CADPS2: variants seen among roughly 807,000 people sequenced by gnomAD.
The protein encoded by CADPS2 is calcium-dependent secretion activator 2.
CADPS2 carries 93 observed loss-of-function variants against 172.5 expected under a neutral mutation model. The ratio of observed to expected loss-of-function variants is 0.54; its 90% CI spans 0.46 to 0.64. The LOEUF (loss-of-function observed/expected upper bound fraction) is 0.64, where lower values mean the gene tolerates loss of function less well. Ranked by LOEUF, CADPS2 falls within the 30% of genes least tolerant of loss-of-function variation. The pLI, the probability that CADPS2 is intolerant of heterozygous loss-of-function variation, is 0.00. For synonymous variants in CADPS2, 546 were observed against 555.2 expected (o/e 0.98, Z 0.23); for missense variants, 1,420 against 1,565.9 (o/e 0.91, Z 1.57).
chr7:122,355,459 T>C (rs938235477), intron 27 of CADPS2, among the ~76,000 whole-genome samples: 6 of 151,900 alleles, frequency 3.9e-5, no homozygotes, highest in Non-Finnish European at 7.4e-5. Context: ...CACATGCCTG[T>C]TTTCCCGGCT....
At chr7:122,760,493 G>A (rs967191687) in intron 1 of CADPS2, among the ~76,000 whole-genome samples, 3 of 152,020 alleles carry the variant, frequency 2.0e-5, no homozygotes, top group South Asian at 2.1e-4. Flanking sequence ...ACTATTAACT[G>A]AACTAGCGGA....
At chr7:122,801,065 A>C (rs922876725) in intron 1 of CADPS2, among the ~76,000 whole-genome samples, 116 of 99,492 alleles carry the variant, frequency 1.2e-3, no homozygotes, top group African/African-American at 6.3e-3. Flanking sequence ...TATTTGGGCT[A>C]AAGAGAAAAT....
In CADPS2 at chr7:122,749,390, T is replaced by C. The variant is rs554355370; in HGVS notation, c.340-12322A>G. Among the ~76,000 whole-genome samples the C allele has an allele frequency of 3.3e-5, 5 of 152,232 alleles. No individual in the cohort carries two copies. The South Asian group carries it at 1.0e-3, about 32-fold the overall frequency. On this transcript the variant is annotated intron_variant, in intron 1 of 29. Transcript: ENST00000449022. ...AGAGAACAGCCACTGGATAGGCAAC[T>C]AGCACTGCTGCTCTGTCCTGGCCTA...
At chr7:122,703,518 G>C (rs1311276366) in intron 2 of CADPS2, among the ~76,000 whole-genome samples, 1 of 152,104 alleles carries the variant, frequency 6.6e-6, no homozygotes, top group Non-Finnish European at 1.5e-5. Flanking sequence ...GCCTAATACA[G>C]TCCCATCTTC....
At chr7:122,560,412 G>A (rs35380309) in intron 7 of CADPS2, among the ~76,000 whole-genome samples, 14,872 of 152,152 alleles carry the variant, frequency 0.098, 852 homozygotes, top group African/African-American at 0.15. Context: ...ACCAGAGAAT[G>A]AAAATCAAAT....
In CADPS2 at chr7:122,387,025, C is replaced by T; in HGVS notation, c.3312+1G>A. 6.4e-7 allele frequency: 1 copy of T among 1,554,942 alleles called. No individual in the cohort carries two copies. The highest frequency in any genetic ancestry group is 1.2e-5 in the South Asian group (1 of 84,406). On this transcript the variant is annotated splice_donor_variant, in intron 24 of 29. Coordinates refer to ENST00000449022, the MANE Select transcript of CADPS2 (RefSeq NM_017954.11). LOFTEE classifies it high-confidence loss of function. ...TTCCCCATGTGGCACATTCTACATA[C>T]CTCTTGTCCTCCATCCAGGGCACAG... is the stretch of plus-strand genomic sequence containing the variant.
chr7:122,672,250 TAA>T, intron 2 of CADPS2, among the ~76,000 whole-genome samples: 1 of 152,272 alleles, frequency 6.6e-6, no homozygotes, highest in South Asian at 2.1e-4. Flanking sequence ...GTTATCAAGT[TAA>T]AGTCAGGTAA....
At chr7:122,464,313 T>C (rs1274198123) in intron 14 of CADPS2, among the ~76,000 whole-genome samples, 1 of 152,192 alleles carries the variant, frequency 6.6e-6, no homozygotes, top group African/African-American at 2.4e-5. Flanking sequence ...ATTATTAGAT[T>C]GTAACCCAAG....
intron 14 of CADPS2, among the ~76,000 whole-genome samples, chr7:122,464,144 G>C (rs2054831950): frequency 6.6e-6 from 1 of 152,156 alleles, no homozygotes; most frequent in Non-Finnish European, 1.5e-5. Flanking sequence ...TCTTAGGCTA[G>C]AGTAGGGAAA....
chr7:122,818,380 T>C (rs1367423761), intron 1 of CADPS2, among the ~76,000 whole-genome samples: 1 of 152,132 alleles, frequency 6.6e-6, no homozygotes, highest in Non-Finnish European at 1.5e-5. Context: ...ATCTAAATAA[T>C]TCTTGTCGTA....
At chr7:122,673,509 A>G (rs1202251959) in intron 2 of CADPS2, among the ~76,000 whole-genome samples, 1 of 152,050 alleles carries the variant, frequency 6.6e-6, no homozygotes, top group Non-Finnish European at 1.5e-5. Context: ...CTTTAGTTAG[A>G]CACAAAAGGT....
intron 2 of CADPS2, among the ~76,000 whole-genome samples, chr7:122,679,870 T>G (rs906230234): frequency 7.9e-5 from 12 of 152,192 alleles, no homozygotes; most frequent in Non-Finnish European, 2.9e-5. Context: ...CTTGTGGCCT[T>G]TCATTAGTTT....
At chr7:122,847,353 C>T (rs920794532) in intron 1 of CADPS2, among the ~76,000 whole-genome samples, 1 of 152,202 alleles carries the variant, frequency 6.6e-6, no homozygotes, top group African/African-American at 2.4e-5. Flanking sequence ...TCCCAGAGTG[C>T]TAGGATTACA....
At chr7:122,331,992 A>G (rs560243236) in intron 28 of CADPS2, 65 of 152,196 alleles carry the variant, frequency 4.3e-4, no homozygotes, top group African/African-American at 1.5e-3. Flanking sequence ...GAAAAGTGTC[A>G]TTAGCATTTG....
At chr7:122,391,190 C>T (rs2044323336) in intron 22 of CADPS2, among the ~76,000 whole-genome samples, 2 of 151,962 alleles carry the variant, frequency 1.3e-5, no homozygotes, top group Admixed American at 1.3e-4. Flanking sequence ...TGACAAAGAA[C>T]CTAATGTTGA....
intron 29 of CADPS2, among the ~76,000 whole-genome samples, chr7:122,323,495 GTATACAT>G (rs1406218847): frequency 6.6e-6 from 1 of 151,920 alleles, no homozygotes; most frequent in African/African-American, 2.4e-5. Context: ...CAAATTTCAA[GTATACAT>G]TAATAAGTCA....
At chr7:122,517,029 C>G (rs1174687951) in intron 8 of CADPS2, among the ~76,000 whole-genome samples, 1 of 152,118 alleles carries the variant, frequency 6.6e-6, no homozygotes, top group Non-Finnish European at 1.5e-5. Context: ...CCAAAAGTTC[C>G]CTTATGCCCT....
chr7:122,658,657 T>C (rs558255684), intron 3 of CADPS2, among the ~76,000 whole-genome samples: 1 of 152,264 alleles, frequency 6.6e-6, no homozygotes, highest in East Asian at 1.9e-4. Context: ...ACACCACATG[T>C]TCTCACTCAT....
chr7:122,354,392 C>A (rs182870071), intron 27 of CADPS2: 1 of 152,096 alleles, frequency 6.6e-6, no homozygotes, highest in Non-Finnish European at 1.5e-5. Context: ...AGGATTCAAC[C>A]GCCAGCAGTT....
Sources: gnomAD v4.1 joint callset for allele counts (sites outside exome capture counted in the v4.1 genomes callset) on GRCh38, gnomAD v4.1.1 for gene constraint, MANE v1.5 for transcripts, NCBI Gene and HGNC (gene_info 2026-07-23, HGNC 2026-07-21) for gene names.